Variants in ARHGAP6 observed in about 807,000 individuals in gnomAD.
The protein encoded by ARHGAP6 is Rho GTPase activating protein 6, also known as rho GTPase-activating protein 6.
In ARHGAP6, 16 loss-of-function variants were observed where a neutral mutation model predicts 55.7. That is an observed-to-expected ratio of 0.29 (90% CI 0.19 to 0.44). The LOEUF (loss-of-function observed/expected upper bound fraction) is 0.44, where lower values mean the gene tolerates loss of function less well. Among genes scored for constraint, ARHGAP6 ranks in the 20% least tolerant of loss-of-function variants. The probability of loss-of-function intolerance (pLI) is 1.00; values close to 1 mark genes in which losing one functional copy is unlikely to be tolerated. For synonymous variants in ARHGAP6, 382 were observed against 360.9 expected, an observed-to-expected ratio of 1.06 and a Z score of -0.66; for missense variants, 698 against 808.9, an observed-to-expected ratio of 0.86 and a Z score of 1.66.
chrX:11,656,468 G>A (rs1299312358), intron 1 of ARHGAP6, among the ~76,000 whole-genome samples: 1 of 112,069 alleles, frequency 8.9e-6, no homozygotes, highest in Non-Finnish European at 1.9e-5. Flanking sequence ...ACTGAGCTAG[G>A]ATCAAGATGT....
At chrX:11,489,480 G>A (rs959473221) in intron 1 of ARHGAP6, among the ~76,000 whole-genome samples, 27 of 112,811 alleles carry the variant, frequency 2.4e-4, no homozygotes, top group African/African-American at 8.7e-4. Context: ...TCAGCTTTTA[G>A]GCCAGTTTCT....
intron 2 of ARHGAP6, among the ~76,000 whole-genome samples, chrX:11,245,248 T>C (rs2047337000): frequency 8.9e-6 from 1 of 111,902 alleles, no homozygotes; most frequent in Non-Finnish European, 1.9e-5. Context: ...AGGAACTCCT[T>C]TTGACATAGT....
chrX:11,501,764 T>C (rs2050681664), intron 1 of ARHGAP6, among the ~76,000 whole-genome samples: 1 of 111,840 alleles, frequency 8.9e-6, no homozygotes. Flanking sequence ...AGAGAAAATA[T>C]ATTTACTATT....
At chrX:11,542,547 G>C (rs1351857192) in intron 1 of ARHGAP6, among the ~76,000 whole-genome samples, 2 of 110,849 alleles carry the variant, frequency 1.8e-5, no homozygotes, top group Admixed American at 9.6e-5. Flanking sequence ...AGAGGGAGTG[G>C]TCAATAGAGT....
At chrX:11,147,078 C>T (rs1452187215) in intron 10 of ARHGAP6, among the ~76,000 whole-genome samples, 6 of 111,799 alleles carry the variant, frequency 5.4e-5, no homozygotes, top group Non-Finnish European at 1.1e-4. Context: ...TGTTTTATAT[C>T]TGTCAGAAGC....
chrX:11,653,073 A>G (rs964481046), intron 1 of ARHGAP6, among the ~76,000 whole-genome samples: 3 of 112,084 alleles, frequency 2.7e-5, no homozygotes, highest in Non-Finnish European at 5.6e-5. Flanking sequence ...TCATGTAATC[A>G]CTGTAGTATG....
chrX:11,171,723 C>T (rs2046094722), intron 8 of ARHGAP6, among the ~76,000 whole-genome samples: 1 of 111,534 alleles, frequency 9.0e-6, no homozygotes, highest in Non-Finnish European at 1.9e-5. Flanking sequence ...TAGGGTTTCT[C>T]TACCTCGACA....
At chrX:11,469,701 G>A (rs1223365812) in intron 1 of ARHGAP6, among the ~76,000 whole-genome samples, 2 of 111,578 alleles carry the variant, frequency 1.8e-5, no homozygotes, top group East Asian at 5.6e-4. Flanking sequence ...AGATTTTCAC[G>A]CTAATTGCAC....
intron 2 of ARHGAP6, among the ~76,000 whole-genome samples, chrX:11,246,711 T>C (rs2047357953): frequency 8.9e-6 from 1 of 111,887 alleles, no homozygotes; most frequent in African/African-American, 3.3e-5. Context: ...AGACCTTTGT[T>C]GAGGGCCTCT....
chrX:11,602,350 CA>C, intron 1 of ARHGAP6, among the ~76,000 whole-genome samples: 1 of 112,092 alleles, frequency 8.9e-6, no homozygotes, highest in Non-Finnish European at 1.9e-5. Flanking sequence ...GGGTATATTG[CA>C]ATATATTGGA....
intron 1 of ARHGAP6, among the ~76,000 whole-genome samples, chrX:11,397,924 C>G (rs940927252): frequency 9.0e-6 from 1 of 111,478 alleles, no homozygotes; most frequent in Admixed American, 9.6e-5. Context: ...AAAACAAAAC[C>G]TGCAGCCAAG....
intron 1 of ARHGAP6, among the ~76,000 whole-genome samples, chrX:11,430,812 A>G (rs2049934016): frequency 8.9e-6 from 1 of 111,948 alleles, no homozygotes; most frequent in African/African-American, 3.2e-5. Flanking sequence ...TTGTGTGGTG[A>G]TGAAGTCAGG....
intron 1 of ARHGAP6, among the ~76,000 whole-genome samples, chrX:11,594,457 G>T (rs1175503159): frequency 1.8e-5 from 2 of 111,520 alleles, no homozygotes; most frequent in East Asian, 5.6e-4. Flanking sequence ...TAATTCAGGG[G>T]TCATCAGCTC....
chrX:11,612,938 G>C (rs1351890901), intron 1 of ARHGAP6, among the ~76,000 whole-genome samples: 3 of 112,724 alleles, frequency 2.7e-5, no homozygotes, highest in Non-Finnish European at 5.6e-5. Context: ...AATAAGGAAA[G>C]AACATTGTTT....
chrX:11,306,066 C>A (rs887233634), intron 1 of ARHGAP6, among the ~76,000 whole-genome samples: 2 of 111,441 alleles, frequency 1.8e-5, no homozygotes, highest in Admixed American at 9.5e-5. Context: ...CATCAGTGAC[C>A]CTCACCTCAA....
At position 11,335,183 on chromosome X, in the gene ARHGAP6, G is replaced by A. The variant is rs1050266139; in HGVS notation, c.589-80476C>T. ...CAAGGCTGGTTCTGCAGATGCCTTG[G>A]AAAATTCAGCTTGTCCCCAAATGGG... On this transcript the variant is annotated intron_variant, in intron 1 of 12. Coordinates refer to ENST00000337414, the MANE Select transcript of ARHGAP6 (RefSeq NM_013427.3). 6 of 143,109 alleles carry A rather than the reference G, an allele frequency of 4.2e-5. No individual in the cohort carries two copies. In the Admixed American group the frequency reaches 5.2e-4, roughly 12 times the overall value. 11.8% of individuals were successfully genotyped at this position (143,109 alleles called of 1,213,427 possible).
intron 1 of ARHGAP6, among the ~76,000 whole-genome samples, chrX:11,349,329 T>G (rs1388236737): frequency 9.0e-6 from 1 of 111,387 alleles, no homozygotes; most frequent in Non-Finnish European, 1.9e-5. Flanking sequence ...AACAAATTTC[T>G]TTGTTTTTTG....
rs1357246918 is a variant in ARHGAP6 at position 11,150,806 on chromosome X, T to C, written c.1907+5723A>G. Among the ~76,000 whole-genome samples the C allele has an allele frequency of 6.2e-5, 7 of 112,421 alleles. 1 individual carries two copies. The highest frequency in any genetic ancestry group is 1.9e-4 in the Admixed American group (2 of 10,665). On this transcript the variant is annotated intron_variant, in intron 10 of 12. Transcript: ENST00000337414. ...CCTGTCTCAAAAAATAAATATGACTTATGAGTTGCTTCCATTTAAGGCAGC... is the reference window on the plus strand; with the variant it reads ...CCTGTCTCAAAAAATAAATATGACTCATGAGTTGCTTCCATTTAAGGCAGC...
chrX:11,572,920 T>C (rs370535891), intron 1 of ARHGAP6, among the ~76,000 whole-genome samples: 1 of 112,381 alleles, frequency 8.9e-6, no homozygotes. Flanking sequence ...GGTTTTGATT[T>C]GCATTTCTCT....
Sources: gnomAD v4.1 joint callset for allele counts (sites outside exome capture counted in the v4.1 genomes callset) on GRCh38, gnomAD v4.1.1 for gene constraint, MANE v1.5 for transcripts, NCBI Gene and HGNC (gene_info 2026-07-23, HGNC 2026-07-21) for gene names.